LGR5: variants seen among roughly 807,000 people sequenced by gnomAD.
The protein encoded by LGR5 is leucine rich repeat containing G protein-coupled receptor 5, also known as leucine-rich repeat-containing G protein-coupled receptor 5.
Under a neutral mutation model 76.7 loss-of-function variants are expected in LGR5, and 54 were observed. The observed-to-expected ratio is 0.70, with a 90% CI of 0.57 to 0.88. The LOEUF (loss-of-function observed/expected upper bound fraction) is 0.88, where lower values mean the gene tolerates loss of function less well. Among genes scored for constraint, LGR5 ranks in the 40% least tolerant of loss-of-function variants. The pLI, the probability that LGR5 is intolerant of heterozygous loss-of-function variation, is 0.00. For missense variants in LGR5, 1,078 were observed against 1,073.3 expected (o/e 1.00, Z -0.06); for synonymous variants, 406 against 421.9 (o/e 0.96, Z 0.46).
At chr12:71,570,894 TGTTAC>T (rs779441328) in intron 11 of LGR5, among the ~76,000 whole-genome samples, 26 of 152,346 alleles carry the variant, frequency 1.7e-4, no homozygotes, top group South Asian at 1.0e-3. Context: ...TATATATCTA[TGTTAC>T]GTTATCTACC....
rs1433022148 is a variant in LGR5 at position 71,440,612 on chromosome 12, G to GTGGA, written c.212+321_212+324dup. Reference sequence around the variant, plus strand: ...GCAAATGCAGGCATTTGCGTGCGGAGTGGACATTTGTGACCCAGAGCCTGG... The same window carrying GTGGA: ...GCAAATGCAGGCATTTGCGTGCGGAGTGGATGGACATTTGTGACCCAGAGCCTGG... On this transcript the variant is annotated intron_variant, in intron 1 of 17. Transcript: ENST00000266674. This position sits in a 1 kb window ranked among gnomAD's most constrained non-coding sequence, Gnocchi z 5.3. Among the ~76,000 whole-genome samples the GTGGA allele has an allele frequency of 2.0e-5, 3 of 152,318 alleles. No individual in the cohort carries two copies. The East Asian group carries it at 5.8e-4, about 30-fold the overall frequency.
intron 2 of LGR5, among the ~76,000 whole-genome samples, chr12:71,515,436 C>T (rs1044911438): frequency 6.6e-6 from 1 of 152,084 alleles, no homozygotes; most frequent in Non-Finnish European, 1.5e-5. Flanking sequence ...GAATAAAAGA[C>T]TTTTCAGAAA....
intron 4 of LGR5, among the ~76,000 whole-genome samples, chr12:71,538,843 G>A (rs1259272433): frequency 1.3e-5 from 2 of 152,060 alleles, no homozygotes; most frequent in African/African-American, 4.8e-5. Context: ...GGGCAATAGA[G>A]CAAGACCGTG....
At chr12:71,495,914 A>G (rs1015152622) in intron 1 of LGR5, among the ~76,000 whole-genome samples, 2 of 152,118 alleles carry the variant, frequency 1.3e-5, no homozygotes, top group Non-Finnish European at 2.9e-5. Context: ...TTCTAATTCA[A>G]AGGTCATCAA....
At chr12:71,442,845 G>T (rs1256807787) in intron 1 of LGR5, among the ~76,000 whole-genome samples, 2 of 152,090 alleles carry the variant, frequency 1.3e-5, no homozygotes, top group Non-Finnish European at 2.9e-5. Context: ...GAGGAATTTT[G>T]ATTTATTCAT....
intron 2 of LGR5, among the ~76,000 whole-genome samples, chr12:71,518,526 C>A (rs1272787178): frequency 6.6e-6 from 1 of 152,126 alleles, no homozygotes; most frequent in African/African-American, 2.4e-5. Context: ...ATAAATCATT[C>A]TATTATAAAG....
chr12:71,492,565 T>C (rs1040051379), intron 1 of LGR5, among the ~76,000 whole-genome samples: 2 of 152,220 alleles, frequency 1.3e-5, no homozygotes, highest in African/African-American at 4.8e-5. Flanking sequence ...AGTTTCCTTA[T>C]AAACATAAGG....
intron 4 of LGR5, among the ~76,000 whole-genome samples, chr12:71,548,173 G>A (rs1352828713): frequency 6.6e-6 from 1 of 152,162 alleles, no homozygotes; most frequent in East Asian, 1.9e-4. Flanking sequence ...CAATGGATGC[G>A]TAAATGGCCA....
chr12:71,520,940 A>G (rs903276588), intron 2 of LGR5, among the ~76,000 whole-genome samples: 9 of 152,244 alleles, frequency 5.9e-5, no homozygotes, highest in African/African-American at 2.2e-4. Flanking sequence ...ATCTACACAT[A>G]CAAATGTTTA....
At chr12:71,550,982 T>C (rs2137405678) in intron 4 of LGR5, among the ~76,000 whole-genome samples, 1 of 152,322 alleles carries the variant, frequency 6.6e-6, no homozygotes, top group South Asian at 2.1e-4. Flanking sequence ...ACATTGTTGC[T>C]AGAGAAAGGA....
chr12:71,441,122 G>T (rs1187977525), intron 1 of LGR5, among the ~76,000 whole-genome samples: 1 of 152,122 alleles, frequency 6.6e-6, no homozygotes, highest in African/African-American at 2.4e-5. Context: ...ATCCCTGGGG[G>T]ATTCTCCCAC....
At position 71,585,607 on chromosome 12, in the gene LGR5, T is replaced by C. The variant is rs1272819520; in HGVS notation, c.*873T>C. 2 of 152,230 alleles carry C rather than the reference T, an allele frequency of 1.3e-5. No homozygotes were observed. Among genetic ancestry groups the C allele is most frequent in the African/African-American group, 4.8e-5 (2 of 41,460 alleles). 9.4% of individuals were successfully genotyped at this position (152,230 alleles called of 1,614,324 possible). On this transcript the variant is annotated 3_prime_UTR_variant, in exon 18 of 18. Coordinates refer to ENST00000266674, the MANE Select transcript of LGR5 (RefSeq NM_003667.4). Reference sequence around the variant, plus strand: ...CTGGGTTAGTAAAGAATTTTTGCAATAAGTTTTATCAGTTGATTCAAACTG... The same window carrying C: ...CTGGGTTAGTAAAGAATTTTTGCAACAAGTTTTATCAGTTGATTCAAACTG...
At chr12:71,556,492 T>A in intron 5 of LGR5, 127 bp from the exon 6 acceptor site, 1 of 686,228 alleles carries the variant, frequency 1.5e-6, no homozygotes, top group East Asian at 2.6e-5. Flanking sequence ...CATATAGCCA[T>A]TTTTTACATT....
chr12:71,550,030 A>G (rs1162835131), intron 4 of LGR5, among the ~76,000 whole-genome samples: 1 of 152,240 alleles, frequency 6.6e-6, no homozygotes, highest in Admixed American at 6.5e-5. Context: ...TCACTTCAAG[A>G]TACAGCAGAA....
At chr12:71,481,091 C>A (rs542572083) in intron 1 of LGR5, among the ~76,000 whole-genome samples, 4 of 152,118 alleles carry the variant, frequency 2.6e-5, no homozygotes, top group African/African-American at 9.6e-5. Flanking sequence ...TTTTCTTTTT[C>A]ATTTATTATA....
chr12:71,462,628 T>C (rs1322567830), intron 1 of LGR5, among the ~76,000 whole-genome samples: 1 of 152,216 alleles, frequency 6.6e-6, no homozygotes, highest in South Asian at 2.1e-4. Context: ...TAGATGCCAG[T>C]CATCTTTTAT....
At chr12:71,469,397 T>G (rs1565666959) in intron 1 of LGR5, among the ~76,000 whole-genome samples, 1 of 152,242 alleles carries the variant, frequency 6.6e-6, no homozygotes, top group Non-Finnish European at 1.5e-5. Context: ...TCTGGCCTGA[T>G]CCTGGAGGCT....
At chr12:71,544,258 T>A (rs1206066556) in intron 4 of LGR5, among the ~76,000 whole-genome samples, 2 of 100,892 alleles carry the variant, frequency 2.0e-5, no homozygotes, top group Non-Finnish European at 4.8e-5. Flanking sequence ...AAGGGGAAAT[T>A]CTTTTTTTTT....
intron 1 of LGR5, among the ~76,000 whole-genome samples, chr12:71,458,783 T>C (rs534313924): frequency 6.6e-6 from 1 of 152,272 alleles, no homozygotes; most frequent in African/African-American, 2.4e-5. Context: ...TATAGCAGTT[T>C]ACAAGATGTA....
Sources: allele counts gnomAD v4.1 joint callset (sites outside exome capture counted in the v4.1 genomes callset), GRCh38; gene constraint gnomAD v4.1.1; non-coding constraint Gnocchi (gnomAD v3.1); transcripts MANE v1.5; gene names NCBI Gene and HGNC (gene_info 2026-07-23, HGNC 2026-07-21).